The following RBMS3 variants were observed in gnomAD, a reference collection of about 807,000 sequenced individuals.
RBMS3 encodes the protein RNA binding motif single stranded interacting protein 3, also known as RNA-binding motif, single-stranded-interacting protein 3.
In RBMS3, 27 loss-of-function variants were observed where a neutral mutation model predicts 66.8. The observed-to-expected ratio is 0.40, with a 90% CI of 0.30 to 0.56. RBMS3 has a LOEUF of 0.56. Ranked by LOEUF, RBMS3 falls within the 20% of genes least tolerant of loss-of-function variation. RBMS3 has a pLI of 0.40. For synonymous variants in RBMS3, 188 were observed against 183.0 expected (o/e 1.03, Z -0.22); for missense variants, 513 against 549.5 (o/e 0.93, Z 0.66).
At chr3:29,905,561 C>T (rs2060356698) in intron 10 of RBMS3, among the ~76,000 whole-genome samples, 1 of 151,892 alleles carries the variant, frequency 6.6e-6, no homozygotes, top group South Asian at 2.1e-4. Flanking sequence ...ATCTTTTTAT[C>T]TTTGTATCTG....
At chr3:29,962,568 A>ATATATAT (rs199824648) in intron 12 of RBMS3, among the ~76,000 whole-genome samples, 7 of 149,482 alleles carry the variant, frequency 4.7e-5, no homozygotes, top group African/African-American at 1.5e-4. Flanking sequence ...ATATATATAT[A>ATATATAT]ATACCATACC....
intron 5 of RBMS3, among the ~76,000 whole-genome samples, chr3:29,750,548 A>G (rs2055127583): frequency 6.6e-6 from 1 of 151,972 alleles, no homozygotes; most frequent in African/African-American, 2.4e-5. Context: ...ACTCAAACCT[A>G]TTTTTCTAAC....
intron 4 of RBMS3, 91 bp from the exon 5 acceptor site, chr3:29,739,629 T>A (rs921153749): frequency 3.3e-6 from 4 of 1,195,134 alleles, no homozygotes; most frequent in South Asian, 3.9e-5. Context: ...GAGATTATTA[T>A]CTAGATTGCA....
intron 2 of RBMS3, 58 bp downstream of exon 2, chr3:29,434,973 AG>A: frequency 6.5e-7 from 1 of 1,528,708 alleles, no homozygotes; most frequent in Non-Finnish European, 8.9e-7. Flanking sequence ...CTTGGTGGGC[AG>A]GATGTGTTAT....
At position 29,914,483 on chromosome 3, in the gene RBMS3, A is replaced by T. The variant is rs962420013; in HGVS notation, c.939+14728A>T. On this transcript the variant is annotated intron_variant, in intron 10 of 14. Transcript: ENST00000383767. ...TCGCTCACTTTTCATAGTAATTACCATGCTTGATCTATGCAATAGCTAGTG... is the reference window on the plus strand; with the variant it reads ...TCGCTCACTTTTCATAGTAATTACCTTGCTTGATCTATGCAATAGCTAGTG... 4.0e-5 allele frequency among the ~76,000 whole-genome samples: 6 copies of T among 151,896 alleles called. No individual in the cohort carries two copies. The East Asian group carries it at 9.6e-4, about 24-fold the overall frequency.
chr3:29,602,323 A>G (rs2048174718), intron 4 of RBMS3, among the ~76,000 whole-genome samples: 1 of 152,016 alleles, frequency 6.6e-6, no homozygotes, highest in African/African-American at 2.4e-5. Flanking sequence ...AGTCTTGGCA[A>G]TCAAGGCTCT....
At chr3:29,633,955 A>C (rs1248548468) in intron 4 of RBMS3, among the ~76,000 whole-genome samples, 2 of 151,938 alleles carry the variant, frequency 1.3e-5, no homozygotes, top group African/African-American at 4.8e-5. Context: ...AAATAGAGTC[A>C]ACTAACCTGC....
At chr3:29,568,808 T>A (rs1043779574) in intron 3 of RBMS3, among the ~76,000 whole-genome samples, 22 of 152,194 alleles carry the variant, frequency 1.4e-4, no homozygotes, top group African/African-American at 5.3e-4. Context: ...GAGGAGTGTT[T>A]GGCAAAGAGA....
intron 4 of RBMS3, among the ~76,000 whole-genome samples, chr3:29,649,353 G>T (rs2050061633): frequency 6.6e-6 from 1 of 152,082 alleles, no homozygotes; most frequent in African/African-American, 2.4e-5. Flanking sequence ...AATGTCACGT[G>T]AATTTATCAT....
chr3:29,739,165 A>T (rs1016344642), intron 4 of RBMS3, among the ~76,000 whole-genome samples: 8 of 152,088 alleles, frequency 5.3e-5, no homozygotes, highest in Admixed American at 2.0e-4. Context: ...TTAAAAGTTT[A>T]TTGGTCGGCC....
chr3:29,915,032 G>A (rs779084734), intron 10 of RBMS3, among the ~76,000 whole-genome samples: 16 of 151,540 alleles, frequency 1.1e-4, no homozygotes, highest in Non-Finnish European at 1.2e-4. Flanking sequence ...AAAGTCCACC[G>A]TTTATTTATC....
chr3:29,957,510 T>C (rs1230961419), intron 12 of RBMS3, among the ~76,000 whole-genome samples: 1 of 152,076 alleles, frequency 6.6e-6, no homozygotes, highest in Non-Finnish European at 1.5e-5. Context: ...CTGAAGGGGA[T>C]AGGAAAGACT....
At chr3:29,732,184 GGTT>G (rs144165089) in intron 4 of RBMS3, among the ~76,000 whole-genome samples, 2,383 of 152,230 alleles carry the variant, frequency 0.016, 65 homozygotes, top group African/African-American at 0.054. Flanking sequence ...GAGCCCACAT[GGTT>G]GTTCCAGTCT....
intron 4 of RBMS3, among the ~76,000 whole-genome samples, chr3:29,669,848 T>C (rs2050921956): frequency 6.6e-6 from 1 of 152,216 alleles, no homozygotes; most frequent in Admixed American, 6.5e-5. Flanking sequence ...CACATGAGTA[T>C]GCAATAACTT....
chr3:29,491,410 AT>A (rs1248527854), intron 3 of RBMS3, among the ~76,000 whole-genome samples: 1 of 152,216 alleles, frequency 6.6e-6, no homozygotes, highest in Non-Finnish European at 1.5e-5. Context: ...CTAAAAGAAA[AT>A]ATTAGAATTT....
At chr3:29,541,270 T>G (rs1251650778) in intron 3 of RBMS3, among the ~76,000 whole-genome samples, 4 of 143,198 alleles carry the variant, frequency 2.8e-5, no homozygotes, top group African/African-American at 1.1e-4. Flanking sequence ...CAGTTAGCAA[T>G]TCCACTTAGG....
At chr3:29,856,739 T>C (rs192339073) in intron 6 of RBMS3, among the ~76,000 whole-genome samples, 1 of 152,336 alleles carries the variant, frequency 6.6e-6, no homozygotes, top group Admixed American at 6.5e-5. Flanking sequence ...TTGTATTTTA[T>C]AGTCATTTCT....
chr3:29,560,159 A>C (rs992011102), intron 3 of RBMS3, among the ~76,000 whole-genome samples: 1 of 152,240 alleles, frequency 6.6e-6, no homozygotes, highest in Non-Finnish European at 1.5e-5. Context: ...ACAGAAACAT[A>C]CAAATACCAG....
chr3:29,394,904 G>C (rs1243102410), intron 1 of RBMS3, among the ~76,000 whole-genome samples: 1 of 151,824 alleles, frequency 6.6e-6, no homozygotes, highest in Non-Finnish European at 1.5e-5. Context: ...TCCACCTGTT[G>C]GGAACACTCT....
Sources: gnomAD v4.1 joint callset for allele counts (sites outside exome capture counted in the v4.1 genomes callset) on GRCh38, gnomAD v4.1.1 for gene constraint, MANE v1.5 for transcripts, NCBI Gene and HGNC (gene_info 2026-07-23, HGNC 2026-07-21) for gene names.